Variants in PTPN14 observed in about 807,000 individuals in gnomAD.
PTPN14 encodes protein tyrosine phosphatase non-receptor type 14.
In PTPN14, 53 loss-of-function variants were observed where a neutral mutation model predicts 126.8. The ratio of observed to expected loss-of-function variants is 0.42; its 90% CI spans 0.34 to 0.53. The LOEUF (loss-of-function observed/expected upper bound fraction) is 0.53. Ranked by LOEUF, PTPN14 falls within the 20% of genes least tolerant of loss-of-function variation. The pLI is 0.08. For missense variants in PTPN14, 1,257 were observed against 1,552.9 expected (o/e 0.81, Z 3.20); for synonymous variants, 630 against 599.3 (o/e 1.05, Z -0.75).
chr1:214,528,573 AAC>A (rs1445972163), intron 1 of PTPN14: 2 of 152,226 alleles, frequency 1.3e-5, no homozygotes, highest in South Asian at 4.1e-4. Context: ...AATATATAAA[AAC>A]ACAGTGGATA....
chr1:214,470,858 A>AT (rs1553269817), intron 1 of PTPN14, among the ~76,000 whole-genome samples: 245 of 143,202 alleles, frequency 1.7e-3, no homozygotes, highest in Non-Finnish European at 3.0e-3. Context: ...TACTAAAAAA[A>AT]ATATATATAT....
intron 1 of PTPN14, among the ~76,000 whole-genome samples, chr1:214,544,873 G>A (rs1655930712): frequency 1.3e-5 from 2 of 151,860 alleles, no homozygotes; most frequent in Admixed American, 1.3e-4. Context: ...AAAAGAGGAG[G>A]GAAGGGGAGG....
intron 13 of PTPN14, among the ~76,000 whole-genome samples, chr1:214,382,131 G>A (rs1270621647): frequency 6.6e-6 from 1 of 152,150 alleles, no homozygotes; most frequent in Admixed American, 6.5e-5. Flanking sequence ...TTGAACTCCT[G>A]ACCTTGTGAT....
chr1:214,384,461 G>A lies in PTPN14; in HGVS notation c.1394C>T (p.Ser465Phe). ...GILHTDSQSQ[S>F]LRNLNIINTH... ...GTTGATAATGTTGAGGTTTCTCAGAGACTGGCTCTGGCTGTCTGTATGCAG... is the reference window on the plus strand; with the variant it reads ...GTTGATAATGTTGAGGTTTCTCAGAAACTGGCTCTGGCTGTCTGTATGCAG... Residue 465 changes from serine to phenylalanine, a missense_variant, in exon 13 of 19, where the codon TCT becomes TTT. By Grantham distance (155) the Ser-to-Phe change is radical. Around this residue, in one of 3 missense-constraint regions of PTPN14, gnomAD observed 1,021 missense variants for 1,183.3 expected, o/e 0.86. Transcript: ENST00000366956. This position sits in a 1 kb window ranked among gnomAD's most constrained non-coding sequence, Gnocchi z 5.3. The A allele has an allele frequency of 6.2e-7, 1 of 1,614,170 alleles. No homozygotes were observed. The highest frequency in any genetic ancestry group is 8.5e-7 in the Non-Finnish European group (1 of 1,180,030).
intron 2 of PTPN14, among the ~76,000 whole-genome samples, chr1:214,463,800 C>T (rs1660565404): frequency 6.6e-6 from 1 of 152,208 alleles, no homozygotes; most frequent in South Asian, 2.1e-4. Flanking sequence ...GCCTCAGGGG[C>T]TTGCAGTCAT....
chr1:214,394,059 C>CTTT (rs1375509329), intron 9 of PTPN14, among the ~76,000 whole-genome samples: 1 of 152,210 alleles, frequency 6.6e-6, no homozygotes, highest in Non-Finnish European at 1.5e-5. Flanking sequence ...TAATTTCCGA[C>CTTT]CAAGTGCTTT....
At chr1:214,403,069 T>A in intron 5 of PTPN14, 116 bp from the exon 6 acceptor site, 1 of 934,508 alleles carries the variant, frequency 1.1e-6, no homozygotes, top group South Asian at 1.5e-5. Context: ...TTCCTCAATA[T>A]CTCCTTTACT....
chr1:214,363,440 T>G (rs1298472241), intron 18 of PTPN14, among the ~76,000 whole-genome samples: 1 of 152,230 alleles, frequency 6.6e-6, no homozygotes. Context: ...ATCATATAAA[T>G]TCCTCCACAG....
At chr1:214,419,827 C>T (rs1348429758) in intron 3 of PTPN14, among the ~76,000 whole-genome samples, 1 of 152,068 alleles carries the variant, frequency 6.6e-6, no homozygotes, top group Admixed American at 6.5e-5. Flanking sequence ...AGCGGGTGTT[C>T]ACAGCTGTAA....
chr1:214,402,990 T>G, intron 5 of PTPN14, 37 bp from the exon 6 acceptor site: 4 of 1,595,410 alleles, frequency 2.5e-6, no homozygotes, highest in Non-Finnish European at 3.4e-6. Flanking sequence ...CACATGAGGG[T>G]GTGGGCATTT....
rs904801798 is a variant in PTPN14 at position 214,357,641 on chromosome 1, A to G, written c.*281T>C. ...GCAACCTTACCTGCTGACATATATT[A>G]CAATACAGATCAGTCAAGATGTGGT... On this transcript the variant is annotated 3_prime_UTR_variant, in exon 19 of 19. Coordinates refer to ENST00000366956, the MANE Select transcript of PTPN14 (RefSeq NM_005401.5). The G allele has an allele frequency of 4.1e-5, 9 of 219,024 alleles. No individual in the cohort carries two copies. Among genetic ancestry groups the G allele is most frequent in the Non-Finnish European group, 7.2e-5 (8 of 110,814 alleles). The allele number at this position is 219,024 out of a possible 1,614,324, so 13.6% of individuals were successfully genotyped here.
intron 2 of PTPN14, among the ~76,000 whole-genome samples, chr1:214,453,937 T>C (rs1204263781): frequency 1.3e-5 from 2 of 152,234 alleles, no homozygotes; most frequent in East Asian, 3.8e-4. Context: ...CTCTGAGATC[T>C]ATGATGTAGG....
At chr1:214,526,862 CG>C (rs1655413348) in intron 1 of PTPN14, among the ~76,000 whole-genome samples, 1 of 152,102 alleles carries the variant, frequency 6.6e-6, no homozygotes, top group East Asian at 1.9e-4. Context: ...GAGGCCAACG[CG>C]GGGGGATCAC....
At position 214,534,146 on chromosome 1, in the gene PTPN14, A is replaced by C. The variant is rs562684398; in HGVS notation, c.-155+17037T>G. Among the ~76,000 whole-genome samples the C allele has an allele frequency of 1.4e-4, 22 of 152,296 alleles. 1 individual carries two copies. The South Asian group carries it at 3.9e-3, about 27-fold the overall frequency. On this transcript the variant is annotated intron_variant, in intron 1 of 18. Transcript: ENST00000366956. ...ACCCAGCACTAGCAGGATGTGAGGAAAGTTGTAAACTTAAAGATTGATGAT... is the reference window on the plus strand; with the variant it reads ...ACCCAGCACTAGCAGGATGTGAGGACAGTTGTAAACTTAAAGATTGATGAT...
chr1:214,545,067 TAGAG>T (rs1558149668), intron 1 of PTPN14, among the ~76,000 whole-genome samples: 2 of 151,958 alleles, frequency 1.3e-5, no homozygotes, highest in African/African-American at 2.4e-5. Context: ...CTAGCACAGA[TAGAG>T]AGAAAGAGCA....
chr1:214,380,667 T>C (rs766213674), intron 13 of PTPN14, among the ~76,000 whole-genome samples: 27 of 152,172 alleles, frequency 1.8e-4, no homozygotes, highest in Non-Finnish European at 5.9e-5. Context: ...TTGCTAAAAG[T>C]TTCTCATTGT....
At chr1:214,461,807 C>A (rs765368803) in intron 2 of PTPN14, among the ~76,000 whole-genome samples, 5 of 152,112 alleles carry the variant, frequency 3.3e-5, no homozygotes, top group African/African-American at 9.7e-5. Context: ...GGCCCCAACA[C>A]CCCTCCCAAA....
chr1:214,438,973 G>A (rs61819592), intron 3 of PTPN14, among the ~76,000 whole-genome samples: 1 of 152,212 alleles, frequency 6.6e-6, no homozygotes, highest in Non-Finnish European at 1.5e-5. Flanking sequence ...TAATTTTGGG[G>A]AGTTTACAGA....
At chr1:214,522,636 C>T (rs540404002) in intron 1 of PTPN14, among the ~76,000 whole-genome samples, 1 of 152,254 alleles carries the variant, frequency 6.6e-6, no homozygotes, top group African/African-American at 2.4e-5. Context: ...TGAGCCTACA[C>T]CAAATGGTGG....
Sources: gnomAD v4.1 joint callset for allele counts (sites outside exome capture counted in the v4.1 genomes callset) on GRCh38, gnomAD v4.1.1 for gene constraint, gnomAD v4.1.1 regional missense constraint, Gnocchi (gnomAD v3.1) non-coding constraint, MANE v1.5 for transcripts, NCBI Gene and HGNC (gene_info 2026-07-23, HGNC 2026-07-21) for gene names.